PDE7B: variants seen among roughly 807,000 people sequenced by gnomAD.
The protein encoded by PDE7B is phosphodiesterase 7B.
A neutral mutation model predicts 56.2 loss-of-function variants in PDE7B; 29 were observed. The observed-to-expected ratio is 0.52, with a 90% CI of 0.38 to 0.70. The LOEUF is 0.70. Ranked by LOEUF, PDE7B falls within the 30% of genes least tolerant of loss-of-function variation. PDE7B has a pLI of 0.00. For synonymous variants in PDE7B, 197 were observed against 196.9 expected (o/e 1.00, Z 0.00); for missense variants, 490 against 565.0 (o/e 0.87, Z 1.35).
At chr6:135,951,724 T>G (rs926993493) in intron 2 of PDE7B, among the ~76,000 whole-genome samples, 11 of 152,128 alleles carry the variant, frequency 7.2e-5, no homozygotes, top group Admixed American at 7.2e-4. Flanking sequence ...TTTATCAAGG[T>G]TTAATTTTTT....
chr6:136,123,161 G>A (rs1777966749), intron 3 of PDE7B, among the ~76,000 whole-genome samples: 1 of 151,864 alleles, frequency 6.6e-6, no homozygotes, highest in Non-Finnish European at 1.5e-5. Context: ...AACCAGTCTG[G>A]GCAACATAGC....
intron 2 of PDE7B, among the ~76,000 whole-genome samples, chr6:135,962,701 G>A (rs539449987): frequency 1.3e-5 from 2 of 152,132 alleles, no homozygotes; most frequent in Non-Finnish European, 2.9e-5. Flanking sequence ...AGAGGTGGTT[G>A]TGACTTCAAC....
chr6:136,189,293 G>T (rs1291788921), intron 12 of PDE7B, among the ~76,000 whole-genome samples: 1 of 152,196 alleles, frequency 6.6e-6, no homozygotes, highest in African/African-American at 2.4e-5. Flanking sequence ...GCCAGGCGGG[G>T]TGACTCATGC....
chr6:136,046,891 CCAAA>C (rs1233250557), intron 2 of PDE7B, among the ~76,000 whole-genome samples: 4 of 152,174 alleles, frequency 2.6e-5, no homozygotes, highest in African/African-American at 9.7e-5. Context: ...ACTCTGAAGG[CCAAA>C]CAATGAATAT....
chr6:135,933,097 A>G (rs901428574), intron 1 of PDE7B, among the ~76,000 whole-genome samples: 4 of 152,162 alleles, frequency 2.6e-5, no homozygotes, highest in Non-Finnish European at 5.9e-5. Flanking sequence ...GTCATTTCCA[A>G]GGTCAAAGAG....
chr6:135,864,788 CT>C (rs1028552517), intron 1 of PDE7B, among the ~76,000 whole-genome samples: 3 of 151,924 alleles, frequency 2.0e-5, no homozygotes, highest in Non-Finnish European at 2.9e-5. Flanking sequence ...TCTAGCCTTT[CT>C]TTTTTTATTA....
intron 1 of PDE7B, among the ~76,000 whole-genome samples, chr6:135,933,305 A>G (rs1209820282): frequency 6.6e-6 from 1 of 152,190 alleles, no homozygotes; most frequent in African/African-American, 2.4e-5. Flanking sequence ...CACAAGATAC[A>G]CCCCTTAAAA....
At chr6:136,103,896 T>G (rs1432783651) in intron 2 of PDE7B, among the ~76,000 whole-genome samples, 2 of 152,220 alleles carry the variant, frequency 1.3e-5, no homozygotes, top group Non-Finnish European at 2.9e-5. Flanking sequence ...TGGCCTGTGT[T>G]TCAGCCACTG....
At chr6:135,925,604 A>G (rs912899386) in intron 1 of PDE7B, among the ~76,000 whole-genome samples, 2 of 152,174 alleles carry the variant, frequency 1.3e-5, no homozygotes, top group Non-Finnish European at 2.9e-5. Flanking sequence ...AAGGGACTTC[A>G]GCATGAAAAA....
chr6:135,913,720 GT>G (rs1454336614), intron 1 of PDE7B, among the ~76,000 whole-genome samples: 1 of 152,026 alleles, frequency 6.6e-6, no homozygotes, highest in African/African-American at 2.4e-5. Context: ...TAAAACCCTA[GT>G]TTTTTGTTAT....
At chr6:135,996,275 G>A (rs1775562333) in intron 2 of PDE7B, among the ~76,000 whole-genome samples, 1 of 152,098 alleles carries the variant, frequency 6.6e-6, no homozygotes, top group Non-Finnish European at 1.5e-5. Flanking sequence ...GGTTTTTCTA[G>A]ATTTCTAGAT....
chr6:135,887,709 C>T (rs920213226), intron 1 of PDE7B, among the ~76,000 whole-genome samples: 1 of 152,142 alleles, frequency 6.6e-6, no homozygotes, highest in African/African-American at 2.4e-5. Context: ...TGCAAATCTA[C>T]ACCCTCTCAA....
At chr6:136,169,888 T>C (rs76196285) in intron 8 of PDE7B, among the ~76,000 whole-genome samples, 2,490 of 152,214 alleles carry the variant, frequency 0.016, 26 homozygotes, top group Non-Finnish European at 0.023. Flanking sequence ...TCAAACATGG[T>C]CAAGTGGTAA....
At chr6:135,875,271 ACTT>A (rs1393560081) in intron 1 of PDE7B, among the ~76,000 whole-genome samples, 4 of 151,032 alleles carry the variant, frequency 2.6e-5, no homozygotes, top group Non-Finnish European at 3.0e-5. Context: ...TTTTTTTGTT[ACTT>A]CTTTGCTTTT....
intron 2 of PDE7B, among the ~76,000 whole-genome samples, chr6:136,088,144 C>A (rs916510090): frequency 1.3e-5 from 2 of 152,076 alleles, no homozygotes; most frequent in Non-Finnish European, 2.9e-5. Flanking sequence ...AAGTAGACTG[C>A]GGCTAAGGAG....
At chr6:135,986,274 T>C (rs1775374855) in intron 2 of PDE7B, among the ~76,000 whole-genome samples, 1 of 152,254 alleles carries the variant, frequency 6.6e-6, no homozygotes, top group South Asian at 2.1e-4. Context: ...ACATTTTGTT[T>C]TAGCCCTCTC....
chr6:135,966,621 T>A (rs1775001779), intron 2 of PDE7B, among the ~76,000 whole-genome samples: 1 of 152,238 alleles, frequency 6.6e-6, no homozygotes, highest in Admixed American at 6.5e-5. Flanking sequence ...ATCACAGACA[T>A]CAGGCTTTGG....
At position 136,028,206 on chromosome 6, in the gene PDE7B, T is replaced by C. The variant is rs185293668; in HGVS notation, c.83-80525T>C. ...AAGTATGGTTCAACAGCCTCTGCAA[T>C]CCAAAATAAAGACAGGCCAGAGCAT... On this transcript the variant is annotated intron_variant, in intron 2 of 12. Transcript: ENST00000308191. Among the ~76,000 whole-genome samples the C allele has an allele frequency of 7.2e-5, 11 of 152,240 alleles. No homozygotes were observed. In the East Asian group the frequency reaches 1.5e-3, roughly 21 times the overall value.
chr6:136,031,872 A>G (rs1388780192), intron 2 of PDE7B, among the ~76,000 whole-genome samples: 1 of 152,210 alleles, frequency 6.6e-6, no homozygotes, highest in Admixed American at 6.5e-5. Flanking sequence ...AAGAGGAAAG[A>G]ACCCTCACTC....
Sources: allele counts gnomAD v4.1 joint callset (sites outside exome capture counted in the v4.1 genomes callset), GRCh38; gene constraint gnomAD v4.1.1; transcripts MANE v1.5; gene names NCBI Gene and HGNC (gene_info 2026-07-23, HGNC 2026-07-21).